The following ZFYVE9 variants were observed in gnomAD, a reference collection of about 807,000 sequenced individuals.
ZFYVE9 encodes zinc finger FYVE-type containing 9, also known as zinc finger FYVE domain-containing protein 9.
Under a neutral mutation model 126.7 loss-of-function variants are expected in ZFYVE9, and 43 were observed. The ratio of observed to expected loss-of-function variants is 0.34; its 90% confidence interval spans 0.27 to 0.44. The LOEUF (loss-of-function observed/expected upper bound fraction) is 0.44, where lower values mean the gene tolerates loss of function less well. ZFYVE9 is among the 20% of genes least tolerant of loss of function. ZFYVE9 has a pLI of 1.00. For missense variants in ZFYVE9, 1,476 were observed against 1,697.0 expected (o/e 0.87, Z 2.29); for synonymous variants, 521 against 597.4 (o/e 0.87, Z 1.87).
chr1:52,331,818 C>G (rs987216167), intron 13 of ZFYVE9, among the ~76,000 whole-genome samples: 2 of 144,190 alleles, frequency 1.4e-5, no homozygotes, highest in Non-Finnish European at 3.0e-5. Context: ...CTTGCTCTTT[C>G]CTCAGGCTGG....
At chr1:52,268,427 A>G (rs1476962617) in intron 6 of ZFYVE9, 36 bp from the exon 7 acceptor site, 1 of 1,594,486 alleles carries the variant, frequency 6.3e-7, no homozygotes, top group South Asian at 1.1e-5. Flanking sequence ...TTCCAATGCC[A>G]CATTGATGCC....
intron 1 of ZFYVE9, among the ~76,000 whole-genome samples, chr1:52,193,238 G>A (rs1644831306): frequency 1.3e-5 from 2 of 152,010 alleles, no homozygotes; most frequent in Non-Finnish European, 2.9e-5. Flanking sequence ...TAGTGCCCTT[G>A]TCTGGGTTGG....
intron 12 of ZFYVE9, among the ~76,000 whole-genome samples, chr1:52,300,611 C>A (rs1177742933): frequency 6.7e-6 from 1 of 148,932 alleles, no homozygotes; most frequent in African/African-American, 2.5e-5. Flanking sequence ...GAAAAAAAAT[C>A]TTGTAGATTT....
At chr1:52,321,798 C>T (rs747616531) in intron 13 of ZFYVE9, among the ~76,000 whole-genome samples, 4 of 152,182 alleles carry the variant, frequency 2.6e-5, no homozygotes, top group African/African-American at 7.2e-5. Flanking sequence ...CCTCATTTAT[C>T]GTAATTTAAT....
At chr1:52,251,054 TTG>T (rs779232250) in intron 4 of ZFYVE9, among the ~76,000 whole-genome samples, 7 of 144,450 alleles carry the variant, frequency 4.8e-5, no homozygotes, top group East Asian at 2.0e-4. Context: ...GTTGTTGTTG[TTG>T]TTGTTGTTTG....
intron 1 of ZFYVE9, among the ~76,000 whole-genome samples, chr1:52,205,934 G>C (rs1317211259): frequency 6.6e-6 from 1 of 151,988 alleles, no homozygotes; most frequent in Non-Finnish European, 1.5e-5. Context: ...TTATCTACTT[G>C]TAGAACATAG....
chr1:52,146,328 G>C (rs191377823), intron 1 of ZFYVE9, among the ~76,000 whole-genome samples: 1 of 152,162 alleles, frequency 6.6e-6, no homozygotes, highest in African/African-American at 2.4e-5. Flanking sequence ...CATTGGAAAA[G>C]ATGTAGTTGC....
At chr1:52,224,088 C>T (rs928436343) in intron 2 of ZFYVE9, among the ~76,000 whole-genome samples, 14 of 152,108 alleles carry the variant, frequency 9.2e-5, no homozygotes, top group Admixed American at 8.5e-4. Flanking sequence ...ATATCCCCTC[C>T]TCCTAGTGGT....
At chr1:52,182,066 C>T (rs1343738839) in intron 1 of ZFYVE9, among the ~76,000 whole-genome samples, 2 of 151,820 alleles carry the variant, frequency 1.3e-5, no homozygotes, top group African/African-American at 4.8e-5. Context: ...AGCCCCTCGC[C>T]CGGCCAGCTG....
At chr1:52,170,542 C>G (rs375079510) in intron 1 of ZFYVE9, among the ~76,000 whole-genome samples, 190 of 151,968 alleles carry the variant, frequency 1.3e-3, no homozygotes, top group African/African-American at 4.2e-3. Context: ...TTTGCTCTTG[C>G]TTTTCTAGTT....
At chr1:52,161,559 A>G (rs1196656393) in intron 1 of ZFYVE9, among the ~76,000 whole-genome samples, 2 of 152,104 alleles carry the variant, frequency 1.3e-5, no homozygotes, top group African/African-American at 2.4e-5. Flanking sequence ...CCAAAGTGCT[A>G]GGATTACCGG....
intron 4 of ZFYVE9, among the ~76,000 whole-genome samples, chr1:52,243,398 G>C (rs138809426): frequency 6.6e-6 from 1 of 152,336 alleles, no homozygotes; most frequent in East Asian, 1.9e-4. Context: ...ACACATCAAG[G>C]TTGACACATA....
intron 4 of ZFYVE9, among the ~76,000 whole-genome samples, chr1:52,239,904 A>G (rs1251335539): frequency 6.6e-6 from 1 of 152,242 alleles, no homozygotes; most frequent in Non-Finnish European, 1.5e-5. Flanking sequence ...GTTTGAAATA[A>G]GGAAGTTATT....
chr1:52,143,742 C>T (rs1460326582), intron 1 of ZFYVE9, among the ~76,000 whole-genome samples: 1 of 152,152 alleles, frequency 6.6e-6, no homozygotes, highest in Non-Finnish European at 1.5e-5. Flanking sequence ...ATGTTGAATT[C>T]ATCAATTAAA....
chr1:52,342,403 T>C (rs190795023), intron 17 of ZFYVE9, among the ~76,000 whole-genome samples: 8 of 149,658 alleles, frequency 5.3e-5, no homozygotes, highest in African/African-American at 1.7e-4. Context: ...GTAGCTGGGA[T>C]TACAGGCGCC....
chr1:52,309,342 G>A (rs1178263761), intron 13 of ZFYVE9, among the ~76,000 whole-genome samples: 1 of 152,152 alleles, frequency 6.6e-6, no homozygotes, highest in African/African-American at 2.4e-5. Flanking sequence ...GCTGGGCATG[G>A]TGGCGCATGC....
intron 1 of ZFYVE9, among the ~76,000 whole-genome samples, chr1:52,178,838 C>T (rs554231993): frequency 1.3e-5 from 2 of 152,210 alleles, no homozygotes; most frequent in African/African-American, 4.8e-5. Flanking sequence ...CAGAGTCTCG[C>T]TCTGTTACCC....
At chr1:52,287,929 T>G (rs1645878717) in intron 10 of ZFYVE9, among the ~76,000 whole-genome samples, 1 of 152,184 alleles carries the variant, frequency 6.6e-6, no homozygotes, top group Non-Finnish European at 1.5e-5. Context: ...TCTGAACCTT[T>G]TGGTAAATTT....
In ZFYVE9 at chr1:52,237,708, T is replaced by C; in HGVS notation, c.291T>C (p.Asn97=). 1 of 1,614,050 alleles carries C rather than the reference T, an allele frequency of 6.2e-7. No homozygotes were observed. The highest frequency in any genetic ancestry group is 8.5e-7 in the Non-Finnish European group (1 of 1,179,970). ...HCANGQDCNL[N]PEIATMWIDE... ...CTAATGGACAGGACTGTAATCTAAA[T>C]CCAGAGATTGCCACAATGTGGATTG... Residue 97 remains asparagine, a synonymous_variant, in exon 4 of 19, where the codon AAT becomes AAC. Coordinates refer to ENST00000287727, the MANE Select transcript of ZFYVE9 (RefSeq NM_004799.4).
Sources: allele counts gnomAD v4.1 joint callset (sites outside exome capture counted in the v4.1 genomes callset), GRCh38; gene constraint gnomAD v4.1.1; transcripts MANE v1.5; gene names NCBI Gene and HGNC (gene_info 2026-07-23, HGNC 2026-07-21).